The following PDE1C variants were observed in gnomAD, a reference collection of about 807,000 sequenced individuals.
PDE1C encodes phosphodiesterase 1C.
A neutral mutation model predicts 93.1 loss-of-function variants in PDE1C; 62 were observed. The observed-to-expected ratio is 0.67, with a 90% CI of 0.54 to 0.82. The LOEUF is 0.82. Among genes scored for constraint, PDE1C ranks in the 40% least tolerant of loss-of-function variants. The pLI is 0.00. For synonymous variants in PDE1C, 325 were observed against 310.1 expected, an observed-to-expected ratio of 1.05 and a Z score of -0.50; for missense variants, 742 against 884.6, an observed-to-expected ratio of 0.84 and a Z score of 2.04.
rs114175222 is a variant in PDE1C at position 31,920,174 on chromosome 7, C to G, written c.129-39314G>C. Reference sequence around the variant, plus strand: ...TCAACGTCCTACCCATACACTGAGTCCCTGCTTCCCTTTAACTCCCTGGTA... The same window carrying G: ...TCAACGTCCTACCCATACACTGAGTGCCTGCTTCCCTTTAACTCCCTGGTA... On this transcript the variant is annotated intron_variant, in intron 2 of 17. Transcript: ENST00000396191. 7.3e-3 allele frequency among the ~76,000 whole-genome samples: 1,115 copies of G among 152,264 alleles called. 13 individuals carry two copies. The highest frequency in any genetic ancestry group is 0.025 in the African/African-American group (1,036 of 41,538).
At chr7:32,303,716 G>A (rs995029323), upstream of PDE1C, among the ~76,000 whole-genome samples, 2 of 152,108 alleles carry the variant, frequency 1.3e-5, no homozygotes, top group Non-Finnish European at 2.9e-5. Context: ...CCCTGATGGA[G>A]GTTACCAAAT....
At chr7:32,314,245 A>G (rs1783123061) in intron 1 of PDE1C, among the ~76,000 whole-genome samples, 1 of 152,196 alleles carries the variant, frequency 6.6e-6, no homozygotes, top group African/African-American at 2.4e-5. Context: ...AAATTGCATT[A>G]TCTTGTAACA....
chr7:31,797,086 T>C (rs566935661), intron 16 of PDE1C, among the ~76,000 whole-genome samples: 1 of 151,880 alleles, frequency 6.6e-6, no homozygotes, highest in East Asian at 1.9e-4. Context: ...GGCATTTCCT[T>C]ACTATTAATG....
intron 2 of PDE1C, among the ~76,000 whole-genome samples, chr7:32,193,469 G>A (rs1484119597): frequency 6.6e-6 from 1 of 152,116 alleles, no homozygotes; most frequent in South Asian, 2.1e-4. Context: ...TTAGAATAGT[G>A]AATGATACTT....
At chr7:32,193,124 T>C (rs1804352332) in intron 2 of PDE1C, among the ~76,000 whole-genome samples, 1 of 152,168 alleles carries the variant, frequency 6.6e-6, no homozygotes, top group African/African-American at 2.4e-5. Flanking sequence ...CTGTCTTTTT[T>C]ATCTGTATGT....
chr7:32,040,093 T>C (rs1048684322), intron 2 of PDE1C, among the ~76,000 whole-genome samples: 2 of 152,202 alleles, frequency 1.3e-5, no homozygotes, highest in Non-Finnish European at 2.9e-5. Context: ...TAAAATCTTG[T>C]CAGCTACATT....
At chr7:32,233,648 T>C (rs1585003280) in intron 1 of PDE1C, among the ~76,000 whole-genome samples, 2 of 151,988 alleles carry the variant, frequency 1.3e-5, no homozygotes, top group African/African-American at 2.4e-5. Flanking sequence ...CAGCCTTAAA[T>C]ACATACAGAT....
chr7:32,200,539 T>G (rs914726241), intron 2 of PDE1C, among the ~76,000 whole-genome samples: 1 of 152,204 alleles, frequency 6.6e-6, no homozygotes, highest in African/African-American at 2.4e-5. Flanking sequence ...AACTACCTAT[T>G]GATGCGTAAC....
chr7:31,708,113 A>C, the PDE1C span: 1 of 152,224 alleles, frequency 6.6e-6, no homozygotes, highest in African/African-American at 2.4e-5. Flanking sequence ...TATTTTTAGC[A>C]TTCTCACTTA....
chr7:31,804,107 G>A (rs996780522), intron 16 of PDE1C, among the ~76,000 whole-genome samples: 5 of 151,730 alleles, frequency 3.3e-5, no homozygotes, highest in African/African-American at 1.2e-4. Context: ...TCACCTTGTT[G>A]GGTGCTGGAT....
chr7:31,759,197 T>G (rs551469206), intron 17 of PDE1C, among the ~76,000 whole-genome samples: 1 of 152,316 alleles, frequency 6.6e-6, no homozygotes, highest in African/African-American at 2.4e-5. Flanking sequence ...CTGCAATGGA[T>G]TGTGATTTGG....
chr7:32,206,452 C>G (rs189117161), intron 2 of PDE1C, among the ~76,000 whole-genome samples: 1 of 152,202 alleles, frequency 6.6e-6, no homozygotes, highest in Admixed American at 6.5e-5. Flanking sequence ...GGGCCTGGCA[C>G]TGGAGGGCAG....
rs552864803 is a variant in PDE1C at position 32,177,236 on chromosome 7, G to GT, written c.137-7281dup. ...ATTCTGAGACAAGGGCTTGTGGCAA[G>GT]TTTTTTCTTTTGGAAGTGATTCCAG... is the stretch of plus-strand genomic sequence containing the variant. On this transcript the variant is annotated intron_variant, in intron 2 of 18. Transcript: ENST00000396193. Among the ~76,000 whole-genome samples the GT allele has an allele frequency of 5.7e-4, 87 of 152,308 alleles. No homozygotes were observed. The South Asian group carries it at 0.017, about 30-fold the overall frequency.
At chr7:31,866,479 C>T (rs1446563880) in intron 6 of PDE1C, among the ~76,000 whole-genome samples, 2 of 152,076 alleles carry the variant, frequency 1.3e-5, no homozygotes, top group Non-Finnish European at 2.9e-5. Context: ...AGCATCCTCT[C>T]CAGCATCCAC....
chr7:32,313,217 C>G (rs1438333986), intron 1 of PDE1C, among the ~76,000 whole-genome samples: 1 of 152,156 alleles, frequency 6.6e-6, no homozygotes, highest in African/African-American at 2.4e-5. Context: ...CCATCTCACA[C>G]CAATTAGAAT....
At chr7:31,914,403 C>T (rs1237970536) in intron 2 of PDE1C, among the ~76,000 whole-genome samples, 3 of 152,154 alleles carry the variant, frequency 2.0e-5, no homozygotes, top group African/African-American at 7.2e-5. Flanking sequence ...CAACTTTATT[C>T]ATCTATATCC....
chr7:32,224,014 T>G (rs1807071478), intron 1 of PDE1C, among the ~76,000 whole-genome samples: 1 of 152,200 alleles, frequency 6.6e-6, no homozygotes, highest in Non-Finnish European at 1.5e-5. Context: ...CCTTCTCAGA[T>G]GAACTAGTCC....
At chr7:31,833,946 T>C (rs1010099866) in intron 11 of PDE1C, among the ~76,000 whole-genome samples, 2 of 152,138 alleles carry the variant, frequency 1.3e-5, no homozygotes, top group Admixed American at 6.5e-5. Flanking sequence ...GAGGAAAAGA[T>C]GGTTTTGTGG....
At chr7:32,118,055 G>T (rs1799081931) in intron 3 of PDE1C, among the ~76,000 whole-genome samples, 1 of 152,198 alleles carries the variant, frequency 6.6e-6, no homozygotes, top group Non-Finnish European at 1.5e-5. Flanking sequence ...AGACAGACTT[G>T]TCTTTTCCCT....
Sources: gnomAD v4.1 joint callset for allele counts (sites outside exome capture counted in the v4.1 genomes callset) on GRCh38, gnomAD v4.1.1 for gene constraint, MANE v1.5 for transcripts, NCBI Gene and HGNC (gene_info 2026-07-23, HGNC 2026-07-21) for gene names.